Variants in LPAR6 observed in about 807,000 individuals in gnomAD.
The protein encoded by LPAR6 is lysophosphatidic acid receptor 6, also known as G-protein coupled purinergic receptor P2Y5.
A neutral mutation model predicts 22.0 loss-of-function variants in LPAR6; 17 were observed. The observed-to-expected ratio is 0.77, with a 90% CI of 0.53 to 1.16. The LOEUF (loss-of-function observed/expected upper bound fraction) is 1.16, where lower values mean the gene tolerates loss of function less well. Among genes scored for constraint, LPAR6 ranks in the 50% most tolerant of loss-of-function variants. The probability of loss-of-function intolerance (pLI) is 0.00; values close to 1 mark genes in which losing one functional copy is unlikely to be tolerated. For missense variants in LPAR6, 384 were observed against 406.9 expected, an observed-to-expected ratio of 0.94 and a Z score of 0.48; for synonymous variants, 136 against 139.8, an observed-to-expected ratio of 0.97 and a Z score of 0.19.
upstream of LPAR6, among the ~76,000 whole-genome samples, chr13:48,431,841 A>G (rs1374382881): frequency 1.3e-5 from 2 of 152,188 alleles, no homozygotes; most frequent in Non-Finnish European, 2.9e-5. Flanking sequence ...CAGGCATATT[A>G]AAATTTTTTC....
chr13:48,419,942 T>G (rs1348940225), intron 2 of LPAR6, among the ~76,000 whole-genome samples: 4 of 152,198 alleles, frequency 2.6e-5, no homozygotes, highest in African/African-American at 9.7e-5. Context: ...GATTCACAGC[T>G]GAATTCTGCC....
chr13:48,391,909 C>T (rs559495803), intron 1 of LPAR6, among the ~76,000 whole-genome samples: 21 of 152,172 alleles, frequency 1.4e-4, no homozygotes, highest in East Asian at 9.7e-4. Context: ...CATGAGCCAC[C>T]GCACCCAGCC....
At position 48,412,292 on chromosome 13, in the gene LPAR6, G is replaced by A. The variant is rs1002723835; in HGVS notation, c.132C>T (p.Cys44=). 5.6e-6 allele frequency: 9 copies of A among 1,613,482 alleles called. No homozygotes were observed. Among genetic ancestry groups the A allele is most frequent in the Admixed American group, 1.7e-5 (1 of 60,002 alleles). The change falls in exon 1 of 1, where the codon TGC becomes TGT. Residue 44 remains cysteine (C), a synonymous_variant. Coordinates refer to ENST00000620633, the MANE Select transcript of LPAR6 (RefSeq NM_001162498.3). ...SNCVAIYIFI[C]VLKVRNETTT... The stretch of plus-strand genomic sequence containing the variant: ...TAGTTTCATTTCGGACTTTGAGGAC[G>A]CAGATGAAAATGTATATGGCAACAC...
At chr13:48,390,148 AAAAC>A (rs1948600209) in intron 1 of LPAR6, among the ~76,000 whole-genome samples, 1 of 152,170 alleles carries the variant, frequency 6.6e-6, no homozygotes, top group African/African-American at 2.4e-5. Context: ...TCCTGCCTCA[AAAAC>A]AAACAAAACA....
intron 1 of LPAR6, among the ~76,000 whole-genome samples, chr13:48,395,398 A>G (rs1229439679): frequency 6.6e-6 from 1 of 152,154 alleles, no homozygotes; most frequent in Non-Finnish European, 1.5e-5. Flanking sequence ...TGACAGAAGT[A>G]GGCTTCAGAA....
At chr13:48,396,113 C>T (rs1357060596) in intron 1 of LPAR6, among the ~76,000 whole-genome samples, 1 of 152,126 alleles carries the variant, frequency 6.6e-6, no homozygotes, top group African/African-American at 2.4e-5. Flanking sequence ...ATCAAGCTAC[C>T]TTTGGCTTTC....
intron 1 of LPAR6, among the ~76,000 whole-genome samples, chr13:48,392,819 T>G (rs1202971323): frequency 2.0e-5 from 3 of 152,144 alleles, no homozygotes; most frequent in African/African-American, 7.2e-5. Context: ...GTGATTTTTT[T>G]GTTAGGTGCC....
At chr13:48,436,428 C>T (rs956618689) in intron 1 of LPAR6, among the ~76,000 whole-genome samples, 12 of 152,058 alleles carry the variant, frequency 7.9e-5, no homozygotes, top group African/African-American at 2.2e-4. Context: ...GGATCACCTG[C>T]GGTCAGAAGT....
Position 48,391,722 on chromosome 13 carries a change from G to A in LPAR6, n.115-1910C>T, listed in dbSNP as rs144911815. ...CAACCTCCACCTCCTGGGTTCAAGC[G>A]ATTCTCCTGCCTCAGCCTCCTGAGT... On this transcript the variant is annotated intron_variant and non_coding_transcript_variant, in intron 1 of 1. Coordinates refer to the LPAR6 transcript ENST00000462781. Among the ~76,000 whole-genome samples, 991 of 152,026 alleles carry A rather than the reference G, an allele frequency of 6.5e-3. 15 individuals are homozygous for A. The highest frequency in any genetic ancestry group is 0.023 in the African/African-American group (944 of 41,450).
upstream of LPAR6, among the ~76,000 whole-genome samples, chr13:48,430,716 G>T (rs1247575592): frequency 2.0e-5 from 3 of 151,886 alleles, no homozygotes; most frequent in African/African-American, 7.3e-5. Context: ...CTCTAGCCTG[G>T]GTGACAGAGT....
chr13:48,389,964 G>A (rs184029677), intron 1 of LPAR6, among the ~76,000 whole-genome samples: 176 of 152,224 alleles, frequency 1.2e-3, no homozygotes, highest in South Asian at 4.1e-3. Context: ...ACCAGCCTTG[G>A]CAACATAGGG....
At position 48,411,278 on chromosome 13, in the gene LPAR6, G is replaced by T; in HGVS notation, c.*111C>A. ...TTCTTTATACTAAAGACTTTAAAAT[G>T]TCCATGTGTTAATTTCTTTTGGAGG... On this transcript the variant is annotated 3_prime_UTR_variant, in exon 1 of 1. Transcript: ENST00000620633. 2.3e-6 allele frequency: 2 copies of T among 870,516 alleles called. No homozygotes were observed. Among genetic ancestry groups the T allele is most frequent in the Non-Finnish European group, 3.8e-6 (2 of 520,640 alleles). The allele number at this position is 870,516 out of a possible 1,614,324, so 53.9% of individuals were successfully genotyped here.
At chr13:48,437,600 G>A (rs1482134867) in intron 1 of LPAR6, among the ~76,000 whole-genome samples, 1 of 152,156 alleles carries the variant, frequency 6.6e-6, no homozygotes, top group Non-Finnish European at 1.5e-5. Flanking sequence ...GTGGTTGTTG[G>A]CAGGCCTCAG....
intron 1 of LPAR6, among the ~76,000 whole-genome samples, chr13:48,444,113 C>T (rs1357148864): frequency 6.6e-6 from 1 of 152,184 alleles, no homozygotes; most frequent in African/African-American, 2.4e-5. Flanking sequence ...GCCCATACCT[C>T]ATACCCCCAG....
At chr13:48,391,592 T>C (rs1948610929) in intron 1 of LPAR6, 1 of 152,152 alleles carries the variant, frequency 6.6e-6, no homozygotes, top group Non-Finnish European at 1.5e-5. Context: ...CTGTCTCTAT[T>C]CTTATAAAAC....
intron 1 of LPAR6, among the ~76,000 whole-genome samples, chr13:48,442,859 G>A (rs1358844054): frequency 6.6e-6 from 1 of 151,868 alleles, no homozygotes; most frequent in Non-Finnish European, 1.5e-5. Context: ...TTTACATATT[G>A]CACTTTTCAA....
intron 1 of LPAR6, among the ~76,000 whole-genome samples, chr13:48,402,327 A>G (rs921508686): frequency 6.6e-6 from 1 of 150,648 alleles, no homozygotes; most frequent in Non-Finnish European, 1.5e-5. Flanking sequence ...AATGAAGAAC[A>G]AATGGCCTGG....
upstream of LPAR6, among the ~76,000 whole-genome samples, chr13:48,417,806 A>C (rs1196756996): frequency 6.6e-6 from 1 of 152,226 alleles, no homozygotes; most frequent in African/African-American, 2.4e-5. Context: ...TATGAAATAA[A>C]GTGTGAAGAC....
intron 1 of LPAR6, among the ~76,000 whole-genome samples, chr13:48,393,358 G>A (rs184355605): frequency 7.2e-5 from 11 of 152,284 alleles, no homozygotes; most frequent in Non-Finnish European, 1.0e-4. Flanking sequence ...CCACTGGGCT[G>A]CATTCCAGTT....
Sources: gnomAD v4.1 joint callset for allele counts (sites outside exome capture counted in the v4.1 genomes callset) on GRCh38, gnomAD v4.1.1 for gene constraint, MANE v1.5 for transcripts, NCBI Gene and HGNC (gene_info 2026-07-23, HGNC 2026-07-21) for gene names.